TTLL5: variants seen among roughly 807,000 people sequenced by gnomAD.
The protein encoded by TTLL5 is tubulin polyglutamylase TTLL5.
A neutral mutation model predicts 168.4 loss-of-function variants in TTLL5; 132 were observed. That is an observed-to-expected ratio of 0.78 (90% CI 0.68 to 0.91). TTLL5 has a LOEUF of 0.91. TTLL5 is among the 40% of genes least tolerant of loss of function. The pLI is 0.00. For missense variants in TTLL5, 1,545 were observed against 1,581.5 expected, an observed-to-expected ratio of 0.98 and a Z score of 0.39; for synonymous variants, 546 against 558.6, an observed-to-expected ratio of 0.98 and a Z score of 0.32.
At chr14:75,716,834 T>G (rs1389790089) in intron 9 of TTLL5, among the ~76,000 whole-genome samples, 1 of 152,218 alleles carries the variant, frequency 6.6e-6, no homozygotes, top group East Asian at 1.9e-4. Context: ...TGGTCTTCTT[T>G]TGACAACAGT....
chr14:75,705,162 A>T (rs1386176850), intron 7 of TTLL5, among the ~76,000 whole-genome samples: 1 of 152,228 alleles, frequency 6.6e-6, no homozygotes, highest in Non-Finnish European at 1.5e-5. Flanking sequence ...GAGTCAGGAA[A>T]TGGTATGGAT....
At chr14:75,949,257 C>G (rs1006529245) in intron 31 of TTLL5, among the ~76,000 whole-genome samples, 3 of 151,272 alleles carry the variant, frequency 2.0e-5, no homozygotes, top group Non-Finnish European at 4.4e-5. Context: ...AAAGCACATG[C>G]CTAGGAATAA....
chr14:75,690,436 C>A, intron 6 of TTLL5, 114 bp downstream of exon 6: 1 of 1,306,812 alleles, frequency 7.7e-7, no homozygotes, highest in Non-Finnish European at 1.0e-6. Context: ...CCTTAGACAA[C>A]TGTGACTCTT....
chr14:75,875,898 A>T (rs117040255), intron 29 of TTLL5, among the ~76,000 whole-genome samples: 1,888 of 152,382 alleles, frequency 0.012, 15 homozygotes, highest in South Asian at 0.025. Context: ...CAGAATTATA[A>T]ATCATTTTGA....
intron 31 of TTLL5, among the ~76,000 whole-genome samples, chr14:75,928,943 C>G (rs895145150): frequency 6.6e-6 from 1 of 152,184 alleles, no homozygotes; most frequent in Admixed American, 6.5e-5. Context: ...CGGCATAAAT[C>G]CATTTTTCTT....
At position 75,871,440 on chromosome 14, in the gene TTLL5, A is replaced by AC. The variant is rs147536328; in HGVS notation, c.3522+7580dup. Among the ~76,000 whole-genome samples, 1,370 of 152,144 alleles carry AC rather than the reference A, an allele frequency of 9.0e-3. 9 individuals are homozygous for AC. Among genetic ancestry groups the AC allele is most frequent in the Middle Eastern group, 0.044 (13 of 294 alleles). ...GACTTCCAAAGCCCCTTTCCACTCT[A>AC]CCGTCCTCCCCCACGACAGAATTGA... On this transcript the variant is annotated intron_variant, in intron 29 of 31. Coordinates refer to ENST00000298832, the MANE Select transcript of TTLL5 (RefSeq NM_015072.5).
chr14:75,928,837 A>C lies in TTLL5; in HGVS notation c.3824-25587A>C, dbSNP rs2034174051. Among the ~76,000 whole-genome samples, 5 of 152,306 alleles carry C rather than the reference A, an allele frequency of 3.3e-5. No homozygotes were observed. In the South Asian group the frequency reaches 1.0e-3, roughly 32 times the overall value. The stretch of plus-strand genomic sequence containing the variant: ...AACAAAGCATGATCTGATGAAGAGC[A>C]GGTTAATCCTGCTATTTCATTTCCC... On this transcript the variant is annotated intron_variant, in intron 31 of 31. Coordinates refer to ENST00000298832, the MANE Select transcript of TTLL5 (RefSeq NM_015072.5).
At chr14:75,896,427 A>G (rs2032665307) in intron 30 of TTLL5, among the ~76,000 whole-genome samples, 1 of 152,194 alleles carries the variant, frequency 6.6e-6, no homozygotes, top group Non-Finnish European at 1.5e-5. Flanking sequence ...AGATGCAGCC[A>G]TGTCTGTTTT....
chr14:75,948,343 G>C (rs944147294), intron 31 of TTLL5, among the ~76,000 whole-genome samples: 10 of 151,906 alleles, frequency 6.6e-5, no homozygotes, highest in Non-Finnish European at 1.3e-4. Context: ...AAATTAGCCG[G>C]GTGTGGTAGT....
chr14:75,704,365 C>G (rs1233309724), intron 7 of TTLL5, among the ~76,000 whole-genome samples: 1 of 152,014 alleles, frequency 6.6e-6, no homozygotes, highest in Non-Finnish European at 1.5e-5. Flanking sequence ...ATGGTGAAAC[C>G]CCATCTCTAC....
At position 75,674,490 on chromosome 14, in the gene TTLL5, AC is replaced by A. The variant is rs149792129; in HGVS notation, c.181+4969del. On this transcript the variant is annotated intron_variant, in intron 3 of 31. Transcript: ENST00000298832. The stretch of plus-strand genomic sequence containing the variant: ...GCCAAATTGGTTTTTTCTCTTTATG[AC>A]ATGTTTCATTGAATTCACTATTAAT... 2.0e-5 allele frequency among the ~76,000 whole-genome samples: 3 copies of A among 152,266 alleles called. No individual in the cohort carries two copies. The East Asian group carries it at 5.8e-4, about 29-fold the overall frequency.
chr14:75,752,868 A>G (rs1458503062), intron 17 of TTLL5, 25 bp from the exon 18 acceptor site: 1 of 1,609,268 alleles, frequency 6.2e-7, no homozygotes, highest in African/African-American at 1.3e-5. Context: ...TTAAGAAATA[A>G]CCAGTTTCTT....
At chr14:75,929,494 C>T (rs545875672) in intron 31 of TTLL5, among the ~76,000 whole-genome samples, 9 of 140,998 alleles carry the variant, frequency 6.4e-5, no homozygotes, top group Non-Finnish European at 1.2e-4. Flanking sequence ...CTCTGTCGCC[C>T]AGGCTGGAGT....
intron 2 of TTLL5, among the ~76,000 whole-genome samples, 189 bp downstream of exon 2, chr14:75,663,412 T>C (rs986377721): frequency 2.0e-5 from 3 of 152,172 alleles, no homozygotes; most frequent in African/African-American, 7.2e-5. Context: ...TGTTACTCAG[T>C]CCCTATCAGC....
intron 29 of TTLL5, among the ~76,000 whole-genome samples, chr14:75,870,939 C>T (rs370316232): frequency 5.3e-5 from 8 of 152,012 alleles, no homozygotes; most frequent in African/African-American, 1.2e-4. Context: ...GGACTACAGG[C>T]GCCCGCCACC....
intron 12 of TTLL5, 150 bp from the exon 13 acceptor site, chr14:75,732,177 ACTTGAAAGATT>A: frequency 1.7e-6 from 1 of 574,010 alleles, no homozygotes; most frequent in East Asian, 3.1e-5. Flanking sequence ...TTTCTCTTGA[ACTTGAAAGATT>A]CTTGAAAGAT....
intron 6 of TTLL5, among the ~76,000 whole-genome samples, chr14:75,692,030 CAACTTCAG>C (rs950809551): frequency 7.2e-5 from 11 of 152,178 alleles, no homozygotes; most frequent in Admixed American, 5.2e-4. Context: ...TTAAATGAAT[CAACTTCAG>C]AACTTCAGTG....
rs1254350738 is a variant in TTLL5 at position 75,875,225 on chromosome 14, G to A, written c.3523-7460G>A. Among the ~76,000 whole-genome samples, 8 of 149,190 alleles carry A rather than the reference G, an allele frequency of 5.4e-5. No individual in the cohort carries two copies. The East Asian group carries it at 1.0e-3, about 19-fold the overall frequency. ...TGGGATTACAGGCGTGAGCCACTGC[G>A]CGCGGCCTATATTTTTTAACTCAAA... On this transcript the variant is annotated intron_variant, in intron 29 of 31. Transcript: ENST00000298832.
intron 28 of TTLL5, among the ~76,000 whole-genome samples, chr14:75,826,800 T>A (rs1895170650): frequency 6.6e-6 from 1 of 152,220 alleles, no homozygotes; most frequent in African/African-American, 2.4e-5. Flanking sequence ...ACAGGCGTGA[T>A]GAAACACAGT....
Sources: gnomAD v4.1 joint callset for allele counts (sites outside exome capture counted in the v4.1 genomes callset) on GRCh38, gnomAD v4.1.1 for gene constraint, MANE v1.5 for transcripts, NCBI Gene and HGNC (gene_info 2026-07-23, HGNC 2026-07-21) for gene names.